Variants in FILIP1L observed in about 807,000 individuals in gnomAD.
FILIP1L encodes the protein filamin A-interacting protein 1-like.
A neutral mutation model predicts 96.6 loss-of-function variants in FILIP1L; 55 were observed. The ratio of observed to expected loss-of-function variants is 0.57; its 90% confidence interval spans 0.46 to 0.71. FILIP1L has a LOEUF of 0.71. Ranked by LOEUF, FILIP1L falls within the 30% of genes least tolerant of loss-of-function variation. FILIP1L has a pLI of 0.00. For missense variants in FILIP1L, 1,304 were observed against 1,321.2 expected, an observed-to-expected ratio of 0.99 and a Z score of 0.20; for synonymous variants, 467 against 473.9, an observed-to-expected ratio of 0.99 and a Z score of 0.19.
At chr3:100,087,571 G>A (rs1007487751) in intron 1 of FILIP1L, among the ~76,000 whole-genome samples, 17 of 151,688 alleles carry the variant, frequency 1.1e-4, no homozygotes, top group Non-Finnish European at 2.1e-4. Context: ...TGCTTTTTTT[G>A]TTTAATTGTT....
intron 1 of FILIP1L, among the ~76,000 whole-genome samples, chr3:100,073,174 G>A (rs2065790702): frequency 1.3e-5 from 2 of 152,092 alleles, no homozygotes; most frequent in Admixed American, 1.3e-4. Context: ...ACAAATTATA[G>A]CCTGTGGGCC....
At chr3:99,961,318 G>A (rs1456856445) in intron 1 of FILIP1L, among the ~76,000 whole-genome samples, 4 of 152,092 alleles carry the variant, frequency 2.6e-5, no homozygotes, top group Non-Finnish European at 5.9e-5. Flanking sequence ...AATCCTCTGA[G>A]TATTTTTTTA....
At chr3:99,940,405 G>C (rs188612825) in intron 1 of FILIP1L, among the ~76,000 whole-genome samples, 1 of 152,306 alleles carries the variant, frequency 6.6e-6, no homozygotes, top group Admixed American at 6.5e-5. Context: ...TAGAAATACA[G>C]TGATAATGAG....
intron 1 of FILIP1L, among the ~76,000 whole-genome samples, chr3:100,008,334 A>T (rs1316986723): frequency 6.6e-6 from 1 of 152,198 alleles, no homozygotes; most frequent in African/African-American, 2.4e-5. Flanking sequence ...TTGCTTGATA[A>T]AGGCTATGCA....
intron 1 of FILIP1L, among the ~76,000 whole-genome samples, chr3:100,000,108 A>G (rs990693245): frequency 1.3e-5 from 2 of 152,200 alleles, no homozygotes; most frequent in African/African-American, 4.8e-5. Context: ...TCAGGACTGG[A>G]AACACTGGCC....
intron 1 of FILIP1L, among the ~76,000 whole-genome samples, chr3:100,101,981 T>C (rs564189171): frequency 6.6e-6 from 1 of 152,338 alleles, no homozygotes; most frequent in Non-Finnish European, 1.5e-5. Flanking sequence ...TAGTATTCCA[T>C]GGTGTATATG....
At chr3:100,073,770 C>G (rs915841904) in intron 1 of FILIP1L, among the ~76,000 whole-genome samples, 3 of 152,140 alleles carry the variant, frequency 2.0e-5, no homozygotes, top group South Asian at 2.1e-4. Flanking sequence ...GGCAAGATCT[C>G]CTGTTTGATT....
At chr3:100,081,116 T>A (rs998641324) in intron 1 of FILIP1L, among the ~76,000 whole-genome samples, 6 of 152,238 alleles carry the variant, frequency 3.9e-5, no homozygotes, top group Middle Eastern at 6.3e-3. Flanking sequence ...CCTTATTTGA[T>A]GAGCCTTAAT....
In FILIP1L at chr3:100,050,625, A is replaced by G. The variant is rs536021167; in HGVS notation, c.-11+63428T>C. 4.6e-5 allele frequency among the ~76,000 whole-genome samples: 7 copies of G among 152,180 alleles called. No individual in the cohort carries two copies. In the East Asian group the frequency reaches 1.4e-3, roughly 29 times the overall value. ...CTGCTCACTGCAACCTCCATCTCCC[A>G]GGTTCAAGCGATTCTCCTGCCTCAG... On this transcript the variant is annotated intron_variant, in intron 1 of 5. Transcript: ENST00000477258.
intron 1 of FILIP1L, among the ~76,000 whole-genome samples, chr3:99,977,929 C>T (rs1709018053): frequency 6.6e-6 from 1 of 152,028 alleles, no homozygotes; most frequent in South Asian, 2.1e-4. Context: ...GAAAAAATTG[C>T]AGGAAAAATA....
At chr3:99,854,780 A>G (rs965934633) in intron 4 of FILIP1L, among the ~76,000 whole-genome samples, 1 of 152,168 alleles carries the variant, frequency 6.6e-6, no homozygotes, top group African/African-American at 2.4e-5. Context: ...GTTAGACTCC[A>G]TCGTTTTGCT....
chr3:99,948,499 A>G (rs1349835707), intron 1 of FILIP1L, among the ~76,000 whole-genome samples: 1 of 144,138 alleles, frequency 6.9e-6, no homozygotes, highest in Non-Finnish European at 1.5e-5. Context: ...AGCCATGATT[A>G]TATCATCACT....
At chr3:99,938,514 C>A (rs924827877) in intron 1 of FILIP1L, among the ~76,000 whole-genome samples, 1 of 152,150 alleles carries the variant, frequency 6.6e-6, no homozygotes, top group African/African-American at 2.4e-5. Context: ...ATTTAACACC[C>A]CATACTTTGC....
chr3:100,093,543 A>T (rs987221237), intron 1 of FILIP1L, among the ~76,000 whole-genome samples: 2 of 152,204 alleles, frequency 1.3e-5, no homozygotes, highest in African/African-American at 4.8e-5. Flanking sequence ...ATGCAGAGTG[A>T]TTCCACATAC....
intron 4 of FILIP1L, among the ~76,000 whole-genome samples, chr3:99,907,808 TAGG>T (rs1706668991): frequency 6.6e-6 from 1 of 152,146 alleles, no homozygotes; most frequent in Admixed American, 6.6e-5. Context: ...CTGGATCCAT[TAGG>T]AGATCAAGCC....
chr3:99,956,493 C>T (rs1015996885), intron 1 of FILIP1L, among the ~76,000 whole-genome samples: 8 of 152,192 alleles, frequency 5.3e-5, no homozygotes, highest in African/African-American at 1.7e-4. Flanking sequence ...GCTGGGATTA[C>T]AGGCACCCAC....
intron 1 of FILIP1L, among the ~76,000 whole-genome samples, chr3:100,105,982 G>A (rs931975797): frequency 6.6e-6 from 1 of 152,096 alleles, no homozygotes; most frequent in African/African-American, 2.4e-5. Context: ...ACCATCAGAT[G>A]GTGTGGACAG....
At chr3:100,080,674 C>T (rs571595920) in intron 1 of FILIP1L, among the ~76,000 whole-genome samples, 1 of 152,244 alleles carries the variant, frequency 6.6e-6, no homozygotes, top group South Asian at 2.1e-4. Flanking sequence ...GGCAGAAAGA[C>T]TTAATGTGGG....
At chr3:99,922,909 G>T (rs1235419048) in intron 4 of FILIP1L, among the ~76,000 whole-genome samples, 1 of 152,062 alleles carries the variant, frequency 6.6e-6, no homozygotes, top group East Asian at 1.9e-4. Flanking sequence ...TTTGGCTTCT[G>T]CCCTTACCAC....
Sources: allele counts gnomAD v4.1 joint callset (sites outside exome capture counted in the v4.1 genomes callset), GRCh38; gene constraint gnomAD v4.1.1; transcripts MANE v1.5; gene names NCBI Gene and HGNC (gene_info 2026-07-23, HGNC 2026-07-21).